Variants in FANCA observed in about 807,000 individuals in gnomAD.
The protein encoded by FANCA is FA complementation group A.
Under a neutral mutation model 194.3 loss-of-function variants are expected in FANCA, and 236 were observed. That is an observed-to-expected ratio of 1.21 (90% CI 1.09 to 1.35). FANCA has a LOEUF of 1.35. FANCA is among the 40% of genes most tolerant of loss of function. The pLI is 0.00. For synonymous variants in FANCA, 1,014 were observed against 715.8 expected (o/e 1.42, Z -6.65); for missense variants, 2,628 against 1,813.9 (o/e 1.45, Z -8.15).
Position 89,746,583 on chromosome 16 carries a change from C to A in FANCA, c.3513+1G>T. On this transcript the variant is annotated splice_donor_variant, in intron 35 of 42. Transcript: ENST00000389301. LOFTEE classifies it high-confidence loss of function. ...AACACCAAACAAGACAGCTGACCCACCAGAGCAGAGGTCAAAATTAAGGGG... is the reference window on the plus strand; with the variant it reads ...AACACCAAACAAGACAGCTGACCCAACAGAGCAGAGGTCAAAATTAAGGGG... 2 of 1,613,484 alleles carry A rather than the reference C, an allele frequency of 1.2e-6. No homozygotes were observed. Among genetic ancestry groups the A allele is most frequent in the Non-Finnish European group, 1.7e-6 (2 of 1,179,438 alleles).
chr16:89,794,781 A>G (rs969471022), intron 11 of FANCA, among the ~76,000 whole-genome samples: 18 of 152,168 alleles, frequency 1.2e-4, no homozygotes, highest in African/African-American at 4.1e-4. Context: ...CGTAAGACTG[A>G]TATCTTGGGT....
chr16:89,744,882 G>A, intron 36 of FANCA, 77 bp downstream of exon 36: 2 of 1,320,856 alleles, frequency 1.5e-6, no homozygotes, highest in Middle Eastern at 1.8e-4. Context: ...AGCAAGCCAG[G>A]GTGTTTAGGA....
chr16:89,788,421 C>T (rs1968109), intron 14 of FANCA, among the ~76,000 whole-genome samples: 5 of 151,492 alleles, frequency 3.3e-5, no homozygotes, highest in Admixed American at 6.6e-5. Flanking sequence ...TGGTGACAGA[C>T]GGGGACTCCA....
Position 89,792,341 on chromosome 16 carries a change from A to G in FANCA, c.1083+130T>C. Reference sequence around the variant, plus strand: ...CCTGAGTGGTGGCCTTGATGAGGACAGCCACATCTCACCAGACATCCCTGA... The same window carrying G: ...CCTGAGTGGTGGCCTTGATGAGGACGGCCACATCTCACCAGACATCCCTGA... On this transcript the variant is annotated intron_variant, in intron 12 of 42. Coordinates refer to ENST00000389301, the MANE Select transcript of FANCA (RefSeq NM_000135.4). 3 of 1,034,740 alleles carry G rather than the reference A, an allele frequency of 2.9e-6. No individual in the cohort carries two copies. The South Asian group carries it at 3.9e-5, about 13-fold the overall frequency. 64.1% of individuals were successfully genotyped at this position (1,034,740 alleles called of 1,614,324 possible). A position where few individuals can be genotyped will look rare whatever the true frequency, so the allele number is the denominator to read the frequency against.
rs1284542983 is a variant in FANCA at position 89,770,194 on chromosome 16, G to A, written c.2288C>T (p.Thr763Ile). ...GTGACGGAGCAGCTGGCAGAGCCGG[G>A]TGAGCACTGCAGGGAGCACACGTCC... ...MCGRVLPAVLTRLCQLLRHQG... is the reference protein window; with the variant it reads ...MCGRVLPAVLIRLCQLLRHQG... The change falls in exon 25 of 43, where the codon ACC becomes ATC. Residue 763 changes from threonine to isoleucine, a missense_variant. By Grantham distance (89) the Thr-to-Ile change is moderately conservative. Transcript: ENST00000389301. The A allele has an allele frequency of 1.3e-6, 2 of 1,593,572 alleles. No individual in the cohort carries two copies. The highest frequency in any genetic ancestry group is 2.7e-5 in the African/African-American group (2 of 74,770).
intron 20 of FANCA, chr16:89,778,216 A>C (rs2143415818): frequency 6.1e-6 from 1 of 162,942 alleles, no homozygotes; most frequent in East Asian, 1.9e-4. Context: ...TAATCCCAGC[A>C]CTCTGTGAGG....
At position 89,745,028 on chromosome 16, in the gene FANCA, C is replaced by T. The variant is rs2062211167; in HGVS notation, c.3557G>A (p.Arg1186Lys). The T allele has an allele frequency of 6.2e-7, 1 of 1,610,352 alleles. No individual in the cohort carries two copies. Among genetic ancestry groups the T allele is most frequent in the South Asian group, 1.1e-5 (1 of 90,996 alleles). The change falls in exon 36 of 43, where the codon AGG becomes AAG. Residue 1186 changes from arginine (R) to lysine (K), a missense_variant. Arg to Lys is a conservative substitution (Grantham distance 26). Coordinates refer to ENST00000389301, the MANE Select transcript of FANCA (RefSeq NM_000135.4). Reference sequence around the variant, plus strand: ...GGGCAGCGGGCTCTGGCAGTGTCTCCTCCACCGGCAGAGCAGCACAGGCTC... The same window carrying T: ...GGGCAGCGGGCTCTGGCAGTGTCTCTTCCACCGGCAGAGCAGCACAGGCTC... ...SLEPVLLCRWRRHCQSPLPRE... is the reference protein window; with the variant it reads ...SLEPVLLCRWKRHCQSPLPRE...
chr16:89,766,223 T>C (rs961413811), intron 27 of FANCA, among the ~76,000 whole-genome samples: 3 of 151,456 alleles, frequency 2.0e-5, no homozygotes, highest in Non-Finnish European at 2.9e-5. Flanking sequence ...TCTCGATCTC[T>C]TGACCTCATG....
At chr16:89,742,722 A>AGACAAGC in intron 37 of FANCA, 78 bp downstream of exon 37, 1 of 1,521,022 alleles carries the variant, frequency 6.6e-7, no homozygotes, top group Non-Finnish European at 9.1e-7. Context: ...ACAGTTCATC[A>AGACAAGC]GACAAGCCCA....
At chr16:89,788,730 G>A (rs2039975280) in intron 14 of FANCA, among the ~76,000 whole-genome samples, 1 of 151,670 alleles carries the variant, frequency 6.6e-6, no homozygotes. Context: ...ACCCCAGGAG[G>A]TAAAGGCTGC....
intron 2 of FANCA, 35 bp downstream of exon 2, chr16:89,815,842 A>C (rs750485861): frequency 3.3e-6 from 5 of 1,531,344 alleles, no homozygotes; most frequent in Non-Finnish European, 4.5e-6. Flanking sequence ...CCCGAACCTA[A>C]ATCTGCCCGC....
intron 32 of FANCA, among the ~76,000 whole-genome samples, chr16:89,749,363 C>G (rs892089797): frequency 3.9e-5 from 6 of 152,188 alleles, no homozygotes; most frequent in Non-Finnish European, 8.8e-5. Context: ...CAGGTGCCCG[C>G]CACCACACCT....
At chr16:89,778,160 TC>T (rs1330731875) in intron 20 of FANCA, among the ~76,000 whole-genome samples, 1 of 45,092 alleles carries the variant, frequency 2.2e-5, no homozygotes, top group Non-Finnish European at 4.0e-5. Context: ...AGACTTCATC[TC>T]AAAAAAAAAA....
At chr16:89,783,320 G>A (rs961763593) in intron 15 of FANCA, among the ~76,000 whole-genome samples, 1 of 152,084 alleles carries the variant, frequency 6.6e-6, no homozygotes, top group Admixed American at 6.6e-5. Context: ...GGAGGCTGAG[G>A]CGGGCAGATC....
At chr16:89,802,023 A>G (rs549994687) in intron 8 of FANCA, among the ~76,000 whole-genome samples, 1 of 152,364 alleles carries the variant, frequency 6.6e-6, no homozygotes, top group East Asian at 1.9e-4. Context: ...TTGTGGCACT[A>G]TTAACAATAG....
intron 13 of FANCA, 188 bp from the exon 14 acceptor site, chr16:89,791,724 T>G: frequency 4.2e-6 from 4 of 960,484 alleles, no homozygotes; most frequent in South Asian, 2.9e-5. Flanking sequence ...GAAGCAGCAG[T>G]GGACACTCTG....
Position 89,778,940 on chromosome 16 carries a change from G to T in FANCA, c.1776+3C>A. 1 of 1,614,100 alleles carries T rather than the reference G, an allele frequency of 6.2e-7. No homozygotes were observed. Among genetic ancestry groups the T allele is most frequent in the South Asian group, 1.1e-5 (1 of 91,054 alleles). Reference sequence around the variant, plus strand: ...TCACAAACTCATGGAGACGCATACTGACCACTCGAGGTGTGAGCAGGGCGG... The same window carrying T: ...TCACAAACTCATGGAGACGCATACTTACCACTCGAGGTGTGAGCAGGGCGG... On this transcript the variant is annotated splice_donor_region_variant and intron_variant, in intron 19 of 42. Coordinates refer to ENST00000389301, the MANE Select transcript of FANCA (RefSeq NM_000135.4).
intron 26 of FANCA, 39 bp from the exon 27 acceptor site, chr16:89,767,276 CA>C: frequency 7.2e-7 from 1 of 1,392,158 alleles, no homozygotes; most frequent in Non-Finnish European, 1.0e-6. Context: ...GTAATCCATA[CA>C]AAATAAGGGA....
chr16:89,747,637 T>G (rs1398601858), intron 33 of FANCA, among the ~76,000 whole-genome samples: 1 of 152,038 alleles, frequency 6.6e-6, no homozygotes, highest in Non-Finnish European at 1.5e-5. Flanking sequence ...AGGCGGAGGT[T>G]GCAGGGTGAG....
Sources: allele counts gnomAD v4.1 joint callset (sites outside exome capture counted in the v4.1 genomes callset), GRCh38; gene constraint gnomAD v4.1.1; transcripts MANE v1.5; gene names NCBI Gene and HGNC (gene_info 2026-07-23, HGNC 2026-07-21).